FOSL2: variants seen among roughly 807,000 people sequenced by gnomAD.
FOSL2 encodes FOS like 2, AP-1 transcription factor subunit.
In FOSL2, 3 loss-of-function variants were observed where a neutral mutation model predicts 27.7. The ratio of observed to expected loss-of-function variants is 0.11; its 90% CI spans 0.05 to 0.28. FOSL2 has a LOEUF of 0.28. Among genes scored for constraint, FOSL2 ranks in the 10% least tolerant of loss-of-function variants. The pLI, the probability that FOSL2 is intolerant of heterozygous loss-of-function variation, is 1.00. For missense variants in FOSL2, 333 were observed against 445.1 expected (o/e 0.75, Z 2.27); for synonymous variants, 179 against 190.1 (o/e 0.94, Z 0.48).
At chr2:28,398,171 C>T (rs939298483) in intron 1 of FOSL2, among the ~76,000 whole-genome samples, 1 of 152,234 alleles carries the variant, frequency 6.6e-6, no homozygotes, top group Non-Finnish European at 1.5e-5. Context: ...AGCATCATTA[C>T]TTTGTGGATA....
chr2:28,411,417 C>G (rs982921219), intron 3 of FOSL2, among the ~76,000 whole-genome samples: 3 of 152,122 alleles, frequency 2.0e-5, no homozygotes, highest in African/African-American at 7.2e-5. Context: ...CCATGCAGAT[C>G]TCTGCAGTAC....
chr2:28,403,996 CACTG>C (rs1454379598), intron 1 of FOSL2, 107 bp from the exon 2 acceptor site: 1 of 1,333,234 alleles, frequency 7.5e-7, no homozygotes, highest in Non-Finnish European at 1.0e-6. Flanking sequence ...GCCCTTCGAA[CACTG>C]ACTGTGCTCT....
chr2:28,412,611 T>C lies in FOSL2; in HGVS notation c.*163T>C. 1.5e-6 allele frequency: 1 copy of C among 687,200 alleles called. No homozygotes were observed. Among genetic ancestry groups the C allele is most frequent in the East Asian group, 2.7e-5 (1 of 36,616 alleles). 42.6% of individuals were successfully genotyped at this position (687,200 alleles called of 1,614,324 possible). A position where few individuals can be genotyped will look rare whatever the true frequency, so the allele number is the denominator to read the frequency against. On this transcript the variant is annotated 3_prime_UTR_variant, in exon 4 of 4. Coordinates refer to ENST00000264716, the MANE Select transcript of FOSL2 (RefSeq NM_005253.4). The surrounding 1 kb of genome is among the most constrained non-coding windows in gnomAD (Gnocchi z 7.1). ...CCCAGGTGGGACTTAGCAGTGAGTA[T>C]TGGAAGACTTGGGTTGATCTCTTAG... is the stretch of plus-strand genomic sequence containing the variant.
Position 28,412,586 on chromosome 2 carries a change from C to T in FOSL2, c.*138C>T, listed in dbSNP as rs896304426. 6 of 976,010 alleles carry T rather than the reference C, an allele frequency of 6.1e-6. No homozygotes were observed. In the African/African-American group the frequency reaches 9.8e-5, roughly 16 times the overall value. The allele number at this position is 976,010 out of a possible 1,614,324, so 60.5% of individuals were successfully genotyped here. ...CAGGGAGCTTCCTGGCTCTGGGGGA[C>T]CCAGGTGGGACTTAGCAGTGAGTAT... is the stretch of plus-strand genomic sequence containing the variant. On this transcript the variant is annotated 3_prime_UTR_variant, in exon 4 of 4. Transcript: ENST00000264716. The surrounding 1 kb of genome is among the most constrained non-coding windows in gnomAD (Gnocchi z 7.1).
intron 2 of FOSL2, among the ~76,000 whole-genome samples, chr2:28,406,041 TC>T (rs1491344896): frequency 4.6e-5 from 6 of 129,380 alleles, no homozygotes; most frequent in Admixed American, 7.5e-5. Context: ...TGCTCTCCAT[TC>T]CCTTTTTTTT....
In FOSL2 at chr2:28,408,697, T is replaced by A; in HGVS notation, c.355-62T>A. On this transcript the variant is annotated intron_variant, in intron 2 of 3. Coordinates refer to ENST00000264716, the MANE Select transcript of FOSL2 (RefSeq NM_005253.4). This position sits in a 1 kb window ranked among gnomAD's most constrained non-coding sequence, Gnocchi z 4.1. ...TTCTTGCCTTACTTAAAATACAGTTTTTAAAAAATACTGTGAACCATTGTC... is the reference window on the plus strand; with the variant it reads ...TTCTTGCCTTACTTAAAATACAGTTATTAAAAAATACTGTGAACCATTGTC... The A allele has an allele frequency of 7.9e-7, 1 of 1,269,226 alleles. No individual in the cohort carries two copies. Among genetic ancestry groups the A allele is most frequent in the Non-Finnish European group, 1.1e-6 (1 of 921,988 alleles). The allele number at this position is 1,269,226 out of a possible 1,614,324, so 78.6% of individuals were successfully genotyped here.
At chr2:28,394,291 C>T (rs1663759917) in intron 1 of FOSL2, among the ~76,000 whole-genome samples, 1 of 152,164 alleles carries the variant, frequency 6.6e-6, no homozygotes, top group African/African-American at 2.4e-5. Context: ...AGTCATAACT[C>T]CTTTCTGAAA....
chr2:28,396,807 C>CACACACACACACACACACACACAA (rs1663849284), intron 1 of FOSL2: 5 of 149,496 alleles, frequency 3.3e-5, no homozygotes, highest in African/African-American at 1.3e-4. Context: ...CACACACACA[C>CACACACACACACACACACACACAA]ACACACACAC....
chr2:28,400,763 G>A (rs1045529901), intron 1 of FOSL2, among the ~76,000 whole-genome samples: 1 of 152,178 alleles, frequency 6.6e-6, no homozygotes, highest in Non-Finnish European at 1.5e-5. Flanking sequence ...GTATACCGGG[G>A]AGCACACACC....
At chr2:28,409,846 T>C (rs1218766116) in intron 3 of FOSL2, among the ~76,000 whole-genome samples, 1 of 152,218 alleles carries the variant, frequency 6.6e-6, no homozygotes, top group Non-Finnish European at 1.5e-5. Flanking sequence ...GTTCAAGCCA[T>C]TCTCCTGCCT....
At chr2:28,407,215 C>T (rs1366905416) in intron 2 of FOSL2, among the ~76,000 whole-genome samples, 2 of 152,202 alleles carry the variant, frequency 1.3e-5, no homozygotes, top group African/African-American at 2.4e-5. Flanking sequence ...TAAGGGGAGC[C>T]CTGGTGGCCC....
At chr2:28,405,896 G>A (rs553454956) in intron 2 of FOSL2, among the ~76,000 whole-genome samples, 116 of 152,222 alleles carry the variant, frequency 7.6e-4, no homozygotes, top group African/African-American at 2.3e-3. Context: ...CTTCCTTCAC[G>A]GAATCCAAGG....
intron 3 of FOSL2, among the ~76,000 whole-genome samples, chr2:28,411,698 A>G (rs151309104): frequency 6.6e-6 from 1 of 152,154 alleles, no homozygotes; most frequent in East Asian, 1.9e-4. Context: ...GTGCTGGGTT[A>G]TGGCAGCTGC....
chr2:28,404,414 A>G lies in FOSL2; in HGVS notation c.354+56A>G. 1.3e-6 allele frequency: 2 copies of G among 1,568,886 alleles called. No individual in the cohort carries two copies. Among genetic ancestry groups the G allele is most frequent in the Non-Finnish European group, 1.7e-6 (2 of 1,156,678 alleles). ...GTCAGTGGCTTTCAGAGCCCCAGAA[A>G]CACAGAACGGGTTTCTGCAGACTGG... On this transcript the variant is annotated intron_variant, in intron 2 of 3. Transcript: ENST00000264716. This position sits in a 1 kb window ranked among gnomAD's most constrained non-coding sequence, Gnocchi z 4.7.
At chr2:28,405,367 GC>G (rs1163802877) in intron 2 of FOSL2, among the ~76,000 whole-genome samples, 1 of 152,210 alleles carries the variant, frequency 6.6e-6, no homozygotes, top group African/African-American at 2.4e-5. Flanking sequence ...CCAGGGCTAT[GC>G]CACCCTGAGC....
intron 1 of FOSL2, chr2:28,397,257 TTTTGATG>T (rs1414265272): frequency 6.6e-6 from 1 of 152,208 alleles, no homozygotes; most frequent in African/African-American, 2.4e-5. Context: ...TCTTTTCCTA[TTTTGATG>T]TCTGTCTATT....
intron 1 of FOSL2, among the ~76,000 whole-genome samples, chr2:28,402,266 G>T (rs11689770): frequency 1.3e-5 from 2 of 152,156 alleles, no homozygotes; most frequent in Admixed American, 1.3e-4. Context: ...CATTGCACTG[G>T]GTAACTTTCC....
chr2:28,405,807 ATCC>A (rs1331464669), intron 2 of FOSL2, among the ~76,000 whole-genome samples: 2 of 152,192 alleles, frequency 1.3e-5, no homozygotes, highest in Non-Finnish European at 2.9e-5. Flanking sequence ...AGTGGCCAGT[ATCC>A]TCCTCACAGT....
chr2:28,393,113 C>T lies in FOSL2; in HGVS notation c.-608C>T, dbSNP rs1404466544. The T allele has an allele frequency of 5.5e-6, 2 of 365,732 alleles. No homozygotes were observed. Among genetic ancestry groups the T allele is most frequent in the Admixed American group, 9.8e-5 (2 of 20,436 alleles). The allele number at this position is 365,732 out of a possible 1,614,324, so 22.7% of individuals were successfully genotyped here. ...CCCACGAGCCGCTGTCCCCCTGGCG[C>T]GCTCGGGGCCGCGGGACGGGCGCAC... On this transcript the variant is annotated 5_prime_UTR_variant, in exon 1 of 4. Transcript: ENST00000264716. This position sits in a 1 kb window ranked among gnomAD's most constrained non-coding sequence, Gnocchi z 4.6.
Sources: allele counts gnomAD v4.1 joint callset (sites outside exome capture counted in the v4.1 genomes callset), GRCh38; gene constraint gnomAD v4.1.1; non-coding constraint Gnocchi (gnomAD v3.1); transcripts MANE v1.5; gene names NCBI Gene and HGNC (gene_info 2026-07-23, HGNC 2026-07-21).